SLC38A9: variants seen among roughly 807,000 people sequenced by gnomAD.
The protein encoded by SLC38A9 is solute carrier family 38 member 9, also known as neutral amino acid transporter 9.
In SLC38A9, 48 loss-of-function variants were observed where a neutral mutation model predicts 62.3. The observed-to-expected ratio is 0.77, with a 90% CI of 0.61 to 0.98. The LOEUF (loss-of-function observed/expected upper bound fraction) is 0.98, where lower values mean the gene tolerates loss of function less well. Ranked by LOEUF, SLC38A9 falls within the 50% of genes least tolerant of loss-of-function variation. The probability of loss-of-function intolerance (pLI) is 0.00; values close to 1 mark genes in which losing one functional copy is unlikely to be tolerated. For missense variants in SLC38A9, 541 were observed against 679.8 expected, an observed-to-expected ratio of 0.80 and a Z score of 2.27; for synonymous variants, 204 against 227.7, an observed-to-expected ratio of 0.90 and a Z score of 0.94.
intron 2 of SLC38A9, among the ~76,000 whole-genome samples, chr5:55,705,631 A>C (rs778415694): frequency 2.6e-5 from 4 of 152,154 alleles, no homozygotes; most frequent in Non-Finnish European, 4.4e-5. Flanking sequence ...AAGACAAAAG[A>C]AGCATCTGAA....
intron 7 of SLC38A9, among the ~76,000 whole-genome samples, chr5:55,665,747 T>G (rs1439035148): frequency 1.3e-5 from 2 of 151,928 alleles, no homozygotes; most frequent in African/African-American, 4.8e-5. Context: ...GCAGAATGCT[T>G]AAGCCTAAGA....
Position 55,649,319 on chromosome 5 carries a change from GA to G in SLC38A9, c.953-6del. The G allele has an allele frequency of 1.3e-6, 2 of 1,525,258 alleles. No individual in the cohort carries two copies. The highest frequency in any genetic ancestry group is 1.8e-6 in the Non-Finnish European group (2 of 1,131,546). 94.5% of individuals were successfully genotyped at this position (1,525,258 alleles called of 1,614,324 possible). A position where few individuals can be genotyped will look rare whatever the true frequency, so the allele number is the denominator to read the frequency against. On this transcript the variant is annotated splice_polypyrimidine_tract_variant and splice_region_variant and intron_variant, in intron 10 of 15. Transcript: ENST00000396865. ...AATAAAGGACAGACACTGTGCCTGT[GA>G]GGAAAAAATTCAGAAACCATTTATT...
At chr5:55,650,670 T>C (rs969597046) in intron 10 of SLC38A9, among the ~76,000 whole-genome samples, 3 of 152,226 alleles carry the variant, frequency 2.0e-5, no homozygotes, top group African/African-American at 7.2e-5. Context: ...TGTGTGTCTA[T>C]GGCAGCTTAC....
intron 12 of SLC38A9, among the ~76,000 whole-genome samples, 188 bp from the exon 13 acceptor site, chr5:55,635,845 A>C (rs889586178): frequency 6.6e-6 from 1 of 152,222 alleles, no homozygotes; most frequent in African/African-American, 2.4e-5. Context: ...CTTTACAATT[A>C]GTCTGGCAAT....
At chr5:55,703,128 G>A (rs922585506) in intron 2 of SLC38A9, among the ~76,000 whole-genome samples, 15 of 151,836 alleles carry the variant, frequency 9.9e-5, no homozygotes, top group African/African-American at 3.1e-4. Flanking sequence ...TTCTCAACAA[G>A]TCCCTACAAT....
chr5:55,692,478 C>T (rs1015606787), intron 3 of SLC38A9: 101 of 246,838 alleles, frequency 4.1e-4, no homozygotes, highest in African/African-American at 2.2e-3. Context: ...TTTGAAGGTA[C>T]TTACATTTTT....
chr5:55,707,935 C>T (rs960626961), intron 2 of SLC38A9, among the ~76,000 whole-genome samples: 2 of 152,174 alleles, frequency 1.3e-5, no homozygotes, highest in African/African-American at 4.8e-5. Context: ...TGTGAGGACA[C>T]AGCACCAAGG....
At chr5:55,679,337 A>G (rs570505019) in intron 3 of SLC38A9, among the ~76,000 whole-genome samples, 1 of 152,312 alleles carries the variant, frequency 6.6e-6, no homozygotes, top group South Asian at 2.1e-4. Flanking sequence ...TTAGAATTCC[A>G]AACTGTTACT....
At chr5:55,685,563 A>G (rs1473450851) in intron 3 of SLC38A9, among the ~76,000 whole-genome samples, 1 of 152,220 alleles carries the variant, frequency 6.6e-6, no homozygotes, top group East Asian at 1.9e-4. Context: ...GCTAGGTCAT[A>G]TGATAGCTCT....
intron 8 of SLC38A9, chr5:55,664,473 A>C (rs942655600): frequency 1.6e-5 from 4 of 253,422 alleles, no homozygotes; most frequent in Non-Finnish European, 2.2e-5. Flanking sequence ...ATTTTGGAGG[A>C]ATATTATTCC....
chr5:55,638,746 AC>A (rs1381134282), intron 12 of SLC38A9, among the ~76,000 whole-genome samples: 126 of 152,338 alleles, frequency 8.3e-4, no homozygotes, highest in African/African-American at 2.9e-3. Context: ...CAAGTAAACC[AC>A]AGATTCATAT....
intron 12 of SLC38A9, among the ~76,000 whole-genome samples, chr5:55,638,480 T>G (rs569679653): frequency 6.6e-6 from 1 of 152,314 alleles, no homozygotes; most frequent in East Asian, 1.9e-4. Context: ...GTCTTGTGAA[T>G]AAGAAATGGC....
rs1055313760 is a variant in SLC38A9, at chr5:55,627,926, C to A, written c.1485G>T (p.Met495Ile). 4 of 1,612,586 alleles carry A rather than the reference C, an allele frequency of 2.5e-6. No individual in the cohort carries two copies. In the African/African-American group the frequency reaches 4.0e-5, roughly 16 times the overall value. ...NLIIVGAGVI[M>I]ACFYPNIGGI... The stretch of plus-strand genomic sequence containing the variant: ...CTCCTATGTTTGGGTAGAAACAGGC[C>A]ATGATCACTCCAGCTCCCACAATAA... The change falls in exon 15 of 16, where the codon ATG becomes ATT. Residue 495 changes from methionine to isoleucine, a missense_variant. By Grantham distance (10) the Met-to-Ile change is conservative. Transcript: ENST00000396865.
chr5:55,681,747 T>G (rs73115625), intron 3 of SLC38A9, among the ~76,000 whole-genome samples: 5,585 of 152,292 alleles, frequency 0.037, 139 homozygotes, highest in African/African-American at 0.07. Flanking sequence ...CAAGTCCCTA[T>G]GGTTGCTGAC....
intron 8 of SLC38A9, among the ~76,000 whole-genome samples, chr5:55,659,050 C>T (rs745887137): frequency 1.3e-5 from 2 of 152,020 alleles, no homozygotes; most frequent in African/African-American, 4.8e-5. Context: ...TCTCGAGATG[C>T]AGAATAAATA....
intron 14 of SLC38A9, among the ~76,000 whole-genome samples, chr5:55,629,343 T>C (rs1256641776): frequency 6.6e-6 from 1 of 152,142 alleles, no homozygotes; most frequent in Non-Finnish European, 1.5e-5. Flanking sequence ...GGACTACAGG[T>C]GTGTGTCACC....
intron 7 of SLC38A9, among the ~76,000 whole-genome samples, chr5:55,665,968 A>G (rs1750394484): frequency 6.6e-6 from 1 of 152,218 alleles, no homozygotes. Flanking sequence ...GAAAGTATAT[A>G]TAAAATATTT....
intron 2 of SLC38A9, among the ~76,000 whole-genome samples, chr5:55,698,203 T>C (rs912900038): frequency 2.6e-5 from 4 of 152,176 alleles, no homozygotes; most frequent in African/African-American, 9.7e-5. Context: ...AGTGGGGCAA[T>C]TCATTTTCAG....
chr5:55,711,763 C>T (rs1470938443), intron 1 of SLC38A9, among the ~76,000 whole-genome samples: 2 of 152,164 alleles, frequency 1.3e-5, no homozygotes, highest in African/African-American at 4.8e-5. Context: ...CGTGATCGCG[C>T]CACCTCACTC....
Sources: gnomAD v4.1 joint callset for allele counts (sites outside exome capture counted in the v4.1 genomes callset) on GRCh38, gnomAD v4.1.1 for gene constraint, MANE v1.5 for transcripts, NCBI Gene and HGNC (gene_info 2026-07-23, HGNC 2026-07-21) for gene names.